Variants in TXNDC9 observed in about 807,000 individuals in gnomAD.
TXNDC9 encodes thioredoxin domain-containing protein 9.
A neutral mutation model predicts 23.0 loss-of-function variants in TXNDC9; 7 were observed. The observed-to-expected ratio is 0.30, with a 90% CI of 0.17 to 0.57. The LOEUF (loss-of-function observed/expected upper bound fraction) is 0.57. Among genes scored for constraint, TXNDC9 ranks in the 20% least tolerant of loss-of-function variants. The pLI is 0.90. For missense variants in TXNDC9, 198 were observed against 252.6 expected, an observed-to-expected ratio of 0.78 and a Z score of 1.47; for synonymous variants, 72 against 90.6, an observed-to-expected ratio of 0.79 and a Z score of 1.17.
intron 1 of TXNDC9, among the ~76,000 whole-genome samples, chr2:99,333,472 T>TG (rs1559237498): frequency 4.6e-5 from 7 of 152,190 alleles, no homozygotes; most frequent in African/African-American, 1.7e-4. Flanking sequence ...TTTAGGGTGC[T>TG]TCTGATTTAG....
the TXNDC9 span, among the ~76,000 whole-genome samples, chr2:99,311,968 T>C: frequency 6.6e-6 from 1 of 151,872 alleles, no homozygotes; most frequent in Non-Finnish European, 1.5e-5. Context: ...AAAATAATAA[T>C]ACACATTTAA....
chr2:99,325,837 C>A (rs1260247268), intron 3 of TXNDC9, among the ~76,000 whole-genome samples: 1 of 152,060 alleles, frequency 6.6e-6, no homozygotes, highest in Non-Finnish European at 1.5e-5. Context: ...CTGGAGAAAC[C>A]CTGTCTCTAC....
At chr2:99,325,701 T>C (rs946050037) in intron 3 of TXNDC9, among the ~76,000 whole-genome samples, 2 of 151,882 alleles carry the variant, frequency 1.3e-5, no homozygotes, top group South Asian at 4.2e-4. Flanking sequence ...AACAATCTAG[T>C]TGGGAAAGAC....
chr2:99,328,682 T>G lies in TXNDC9; in HGVS notation c.190-1029A>C, dbSNP rs191866849. The stretch of plus-strand genomic sequence containing the variant: ...CAAGTTACTACAAGTCTTTTAAAAA[T>G]AATGCTCATGAGGCTGGGTGCAGTG... On this transcript the variant is annotated intron_variant, in intron 2 of 4. Transcript: ENST00000264255. Among the ~76,000 whole-genome samples the G allele has an allele frequency of 2.4e-3, 363 of 152,166 alleles. 5 individuals carry two copies. The Middle Eastern group carries it at 0.037, about 16-fold the overall frequency.
In TXNDC9 at chr2:99,321,492, CA is replaced by C. The variant is rs1442506873; in HGVS notation, c.563+462del. On this transcript the variant is annotated intron_variant, in intron 4 of 4. Transcript: ENST00000264255. ...TATTCATCAGCCTCTATAAGTAAAA[CA>C]GAAATATCCATGTTAAAAATCTAGT... is the stretch of plus-strand genomic sequence containing the variant. 7.9e-5 allele frequency: 12 copies of C among 152,686 alleles called. No individual in the cohort carries two copies. In the East Asian group the frequency reaches 2.3e-3, roughly 29 times the overall value. 9.5% of individuals were successfully genotyped at this position (152,686 alleles called of 1,614,324 possible). A position where few individuals can be genotyped will look rare whatever the true frequency, so the allele number is the denominator to read the frequency against.
rs1340184394 is a variant in TXNDC9 at position 99,321,859 on chromosome 2, T to C, written c.563+96A>G. The C allele has an allele frequency of 2.3e-5, 31 of 1,339,414 alleles. No individual in the cohort carries two copies. The South Asian group carries it at 4.8e-4, about 21-fold the overall frequency. 83.0% of individuals were successfully genotyped at this position (1,339,414 alleles called of 1,614,324 possible). On this transcript the variant is annotated intron_variant, in intron 4 of 4. Transcript: ENST00000264255. ...TTTCCACATCTCAGCCAAAATGCCT[T>C]AATTTCATAAAATAAATGTTACAAT...
intron 3 of TXNDC9, among the ~76,000 whole-genome samples, chr2:99,326,851 G>A (rs1416409165): frequency 3.3e-5 from 5 of 152,136 alleles, no homozygotes; most frequent in South Asian, 2.1e-4. Flanking sequence ...GCTGTTGCCC[G>A]TTCCCAATAT....
the TXNDC9 span, among the ~76,000 whole-genome samples, chr2:99,310,344 C>T: frequency 3.3e-5 from 5 of 152,004 alleles, no homozygotes; most frequent in Admixed American, 6.6e-5. Context: ...GGCCCAATCA[C>T]GGCAGCTCAC....
the TXNDC9 span, among the ~76,000 whole-genome samples, chr2:99,308,048 G>T: frequency 1.3e-5 from 2 of 152,178 alleles, no homozygotes; most frequent in Admixed American, 1.3e-4. Flanking sequence ...AGAGTCCATA[G>T]ACGGAACAGA....
At chr2:99,335,379 T>G (rs1161552585) in intron 1 of TXNDC9, among the ~76,000 whole-genome samples, 1 of 152,224 alleles carries the variant, frequency 6.6e-6, no homozygotes, top group African/African-American at 2.4e-5. Flanking sequence ...TCTTTGTATC[T>G]CCATAGAACA....
intron 4 of TXNDC9, chr2:99,321,463 T>C (rs894181567): frequency 5.9e-5 from 9 of 152,366 alleles, no homozygotes; most frequent in African/African-American, 2.2e-4. Flanking sequence ...TAGAAACCTT[T>C]TTCTATTCAT....
rs571384449 is a variant in TXNDC9 at position 99,323,101 on chromosome 2, C to T, written c.309-892G>A. 3.9e-5 allele frequency among the ~76,000 whole-genome samples: 6 copies of T among 152,060 alleles called. No individual in the cohort carries two copies. The East Asian group carries it at 5.9e-4, about 15-fold the overall frequency. On this transcript the variant is annotated intron_variant, in intron 3 of 4. Transcript: ENST00000264255. ...TTATTAAGCCATCTTCCAATGAAGACGGAAACAGAAGTGAGATTTTCTTGG... is the reference window on the plus strand; with the variant it reads ...TTATTAAGCCATCTTCCAATGAAGATGGAAACAGAAGTGAGATTTTCTTGG...
At chr2:99,329,439 G>A (rs1398997030) in intron 2 of TXNDC9, among the ~76,000 whole-genome samples, 1 of 152,192 alleles carries the variant, frequency 6.6e-6, no homozygotes, top group East Asian at 1.9e-4. Flanking sequence ...CAACCAAAGA[G>A]CCAGGAGGGC....
chr2:99,336,092 CCTGGTGCG>C, intron 1 of TXNDC9, 139 bp downstream of exon 1: 1 of 712,354 alleles, frequency 1.4e-6, no homozygotes, highest in South Asian at 6.2e-5. Context: ...TTCGACGCCT[CCTGGTGCG>C]CTTGCGCAAG....
chr2:99,330,290 C>CAAA lies in TXNDC9; in HGVS notation c.190-2640_190-2638dup, dbSNP rs528602849. Among the ~76,000 whole-genome samples, 9 of 28,160 alleles carry CAAA rather than the reference C, an allele frequency of 3.2e-4. 2 individuals are homozygous for CAAA. Among genetic ancestry groups the CAAA allele is most frequent in the East Asian group, 2.3e-3 (2 of 854 alleles). The allele number at this position is 28,160 out of a possible 152,430, so 18.5% of individuals were successfully genotyped here. A position where few individuals can be genotyped will look rare whatever the true frequency, so the allele number is the denominator to read the frequency against. On this transcript the variant is annotated intron_variant, in intron 2 of 4. Coordinates refer to ENST00000264255, the MANE Select transcript of TXNDC9 (RefSeq NM_005783.4). ...GGGCAACAGAGCAAGACTCTTATCT[C>CAAA]AAAAAAAAAAAAAAAAAAAAAAAAA...
Position 99,327,443 on chromosome 2 carries a change from G to A in TXNDC9, c.308+92C>T. The stretch of plus-strand genomic sequence containing the variant: ...ACAACTTAGGAAGTTTTTTCTTTTA[G>A]TTTTCTTCATTTCTCTAGTAAGCCA... On this transcript the variant is annotated intron_variant, in intron 3 of 4. Transcript: ENST00000264255. The A allele has an allele frequency of 4.4e-6, 4 of 911,900 alleles. No homozygotes were observed. The South Asian group carries it at 4.7e-5, about 11-fold the overall frequency. 56.5% of individuals were successfully genotyped at this position (911,900 alleles called of 1,614,324 possible).
At chr2:99,314,129 T>C (rs887184841), downstream of TXNDC9, among the ~76,000 whole-genome samples, 1 of 152,234 alleles carries the variant, frequency 6.6e-6, no homozygotes, top group Non-Finnish European at 1.5e-5. Flanking sequence ...TGGATGATGC[T>C]TGATGACCTT....
At chr2:99,309,019 A>T in the TXNDC9 span, among the ~76,000 whole-genome samples, 57,976 of 151,928 alleles carry the variant, frequency 0.38, 11,912 homozygotes, top group East Asian at 0.64. Context: ...AATAAATATT[A>T]AAAAAATTTA....
At chr2:99,328,072 C>T (rs868599772) in intron 2 of TXNDC9, among the ~76,000 whole-genome samples, 96 of 151,764 alleles carry the variant, frequency 6.3e-4, no homozygotes, top group African/African-American at 2.1e-3. Context: ...TGTGAGCCAC[C>T]GCGCCCGGCC....
Sources: allele counts gnomAD v4.1 joint callset (sites outside exome capture counted in the v4.1 genomes callset), GRCh38; gene constraint gnomAD v4.1.1; transcripts MANE v1.5; gene names NCBI Gene and HGNC (gene_info 2026-07-23, HGNC 2026-07-21).